PRELID2: variants seen among roughly 807,000 people sequenced by gnomAD.
PRELID2 encodes the protein PRELI domain containing 2.
PRELID2 carries 25 observed loss-of-function variants against 28.4 expected under a neutral mutation model. The ratio of observed to expected loss-of-function variants is 0.88; its 90% CI spans 0.64 to 1.23. The LOEUF (loss-of-function observed/expected upper bound fraction) is 1.23, where lower values mean the gene tolerates loss of function less well. Among genes scored for constraint, PRELID2 ranks in the 50% most tolerant of loss-of-function variants. PRELID2 has a pLI of 0.00. For missense variants in PRELID2, 201 were observed against 214.4 expected, an observed-to-expected ratio of 0.94 and a Z score of 0.39; for synonymous variants, 76 against 71.6, an observed-to-expected ratio of 1.06 and a Z score of -0.31.
chr5:145,766,671 C>A lies in PRELID2; in HGVS notation c.475-1671G>T, dbSNP rs566751424. Among the ~76,000 whole-genome samples the A allele has an allele frequency of 6.6e-4, 100 of 152,204 alleles. No homozygotes were observed. In the South Asian group the frequency reaches 7.9e-3, roughly 12 times the overall value. On this transcript the variant is annotated intron_variant, in intron 5 of 6. Coordinates refer to ENST00000683046, the MANE Select transcript of PRELID2 (RefSeq NM_205846.3). ...GTGTTTGCTAAACCAAAGCAGCAAA[C>A]CACAGGACCAGGAGCACCACTGTCA...
the PRELID2 span, among the ~76,000 whole-genome samples, chr5:145,319,605 A>G: frequency 6.6e-6 from 1 of 152,076 alleles, no homozygotes; most frequent in African/African-American, 2.4e-5. Flanking sequence ...CGTGAGGCAG[A>G]GGTTGCAGTG....
chr5:145,687,443 C>T (rs1370097187), intron 1 of PRELID2, among the ~76,000 whole-genome samples: 3 of 152,066 alleles, frequency 2.0e-5, no homozygotes, highest in Non-Finnish European at 4.4e-5. Context: ...CAAGGAAAGG[C>T]CTAGGAACTT....
chr5:145,653,594 C>T (rs149420386), intron 1 of PRELID2, among the ~76,000 whole-genome samples: 9,200 of 152,270 alleles, frequency 0.06, 933 homozygotes, highest in African/African-American at 0.21. Flanking sequence ...GATTAAGAAA[C>T]TCACTCAAAA....
At chr5:145,377,818 G>T in the PRELID2 span, among the ~76,000 whole-genome samples, 1 of 152,048 alleles carries the variant, frequency 6.6e-6, no homozygotes, top group Admixed American at 6.6e-5. Context: ...TTGCCACTCT[G>T]TGTCTTTTAA....
chr5:145,382,719 G>T, the PRELID2 span, among the ~76,000 whole-genome samples: 1 of 151,896 alleles, frequency 6.6e-6, no homozygotes, highest in Non-Finnish European at 1.5e-5. Flanking sequence ...GTCTCTTAAG[G>T]ATCTCTTATG....
the PRELID2 span, among the ~76,000 whole-genome samples, chr5:145,447,470 CTT>C: frequency 3.1e-3 from 415 of 134,628 alleles, 5 homozygotes; most frequent in East Asian, 0.047. Flanking sequence ...CTGAAATTTT[CTT>C]TTTTTTTTTT....
chr5:145,819,168 T>C (rs1430135720), intron 3 of PRELID2, among the ~76,000 whole-genome samples: 3 of 152,216 alleles, frequency 2.0e-5, no homozygotes, highest in Non-Finnish European at 4.4e-5. Flanking sequence ...TATTTATAAA[T>C]TACTCAGTCT....
the PRELID2 span, among the ~76,000 whole-genome samples, chr5:145,254,081 G>A: frequency 6.6e-6 from 1 of 152,036 alleles, no homozygotes; most frequent in African/African-American, 2.4e-5. Context: ...TTGTGCATGA[G>A]GTGAATTAAA....
rs115222262 is a variant in PRELID2 at position 145,637,622 on chromosome 5, C to A, written n.70+127309G>T. On this transcript the variant is annotated intron_variant and non_coding_transcript_variant, in intron 1 of 2. Coordinates refer to the PRELID2 transcript ENST00000510259. ...ATGAATAACCAGTGGGAAGAAAAAA[C>A]CAGTATAAGAAGAAGGCACATGAGG... is the stretch of plus-strand genomic sequence containing the variant. 6.6e-3 allele frequency among the ~76,000 whole-genome samples: 1,002 copies of A among 151,946 alleles called. 10 individuals are homozygous for A. The highest frequency in any genetic ancestry group is 0.023 in the African/African-American group (955 of 41,434).
intron 1 of PRELID2, among the ~76,000 whole-genome samples, chr5:145,508,267 G>GATAC (rs1198683607): frequency 6.7e-6 from 1 of 148,438 alleles, no homozygotes; most frequent in Non-Finnish European, 1.5e-5. Flanking sequence ...CAGATAGATA[G>GATAC]ATAGATAGAT....
chr5:145,333,380 T>TC, the PRELID2 span, among the ~76,000 whole-genome samples: 10 of 152,148 alleles, frequency 6.6e-5, no homozygotes, highest in Non-Finnish European at 1.5e-4. Context: ...AGCTTCCCCT[T>TC]CCCCCAGGTG....
the PRELID2 span, among the ~76,000 whole-genome samples, chr5:145,332,305 G>A: frequency 6.6e-6 from 1 of 152,132 alleles, no homozygotes; most frequent in African/African-American, 2.4e-5. Flanking sequence ...GAATTTGAAT[G>A]TTGGTCTGTC....
At chr5:145,733,485 A>T (rs1756407200) in intron 1 of PRELID2, among the ~76,000 whole-genome samples, 1 of 152,120 alleles carries the variant, frequency 6.6e-6, no homozygotes, top group Non-Finnish European at 1.5e-5. Flanking sequence ...CAGCACTCAT[A>T]TTACTCTGCA....
At chr5:145,580,051 T>C (rs2149624017) in intron 1 of PRELID2, among the ~76,000 whole-genome samples, 1 of 152,244 alleles carries the variant, frequency 6.6e-6, no homozygotes, top group Non-Finnish European at 1.5e-5. Context: ...ATTCAATCTA[T>C]TGACCATTCC....
intron 1 of PRELID2, among the ~76,000 whole-genome samples, chr5:145,740,981 T>A (rs1231319285): frequency 8.7e-6 from 1 of 114,308 alleles, no homozygotes; most frequent in Non-Finnish European, 1.6e-5. Flanking sequence ...TATATATTTG[T>A]GTATAAATAA....
the PRELID2 span, among the ~76,000 whole-genome samples, chr5:145,450,238 G>A: frequency 5.3e-5 from 8 of 152,100 alleles, no homozygotes; most frequent in Admixed American, 3.3e-4. Context: ...AGAGCAGTCC[G>A]TTGTAAAGAA....
rs1311965349 is a variant in PRELID2, at chr5:145,759,091, C to T, written c.*1445G>A. On this transcript the variant is annotated 3_prime_UTR_variant, in exon 7 of 7. Coordinates refer to ENST00000683046, the MANE Select transcript of PRELID2 (RefSeq NM_205846.3). ...TCTCAGCTTACTGCAACCTTCACCT[C>T]CTGAGTTCAAGCAATTCTCCTGCCT... is the stretch of plus-strand genomic sequence containing the variant. 1.4e-5 allele frequency: 2 copies of T among 146,718 alleles called. No individual in the cohort carries two copies. The highest frequency in any genetic ancestry group is 2.5e-5 in the African/African-American group (1 of 39,886). The allele number at this position is 146,718 out of a possible 1,614,324, so 9.1% of individuals were successfully genotyped here. A position where few individuals can be genotyped will look rare whatever the true frequency, so the allele number is the denominator to read the frequency against.
chr5:145,687,205 T>C (rs1275428287), intron 1 of PRELID2, among the ~76,000 whole-genome samples: 1 of 152,202 alleles, frequency 6.6e-6, no homozygotes, highest in Non-Finnish European at 1.5e-5. Flanking sequence ...CTTCTGGGGA[T>C]GAAACTATGG....
At chr5:145,766,837 C>A (rs1264449528) in intron 5 of PRELID2, among the ~76,000 whole-genome samples, 1 of 152,020 alleles carries the variant, frequency 6.6e-6, no homozygotes, top group Non-Finnish European at 1.5e-5. Flanking sequence ...CTTTCTATAC[C>A]CAGTTGCACT....
Sources: allele counts gnomAD v4.1 joint callset (sites outside exome capture counted in the v4.1 genomes callset), GRCh38; gene constraint gnomAD v4.1.1; transcripts MANE v1.5; gene names NCBI Gene and HGNC (gene_info 2026-07-23, HGNC 2026-07-21).